LARP1B: variants seen among roughly 807,000 people sequenced by gnomAD.
The protein encoded by LARP1B is La ribonucleoprotein 1B, also known as la-related protein 1B.
A neutral mutation model predicts 114.2 loss-of-function variants in LARP1B; 76 were observed. The observed-to-expected ratio is 0.67, with a 90% CI of 0.55 to 0.81. The LOEUF is 0.81. Among genes scored for constraint, LARP1B ranks in the 30% least tolerant of loss-of-function variants. The pLI is 0.00. For missense variants in LARP1B, 1,014 were observed against 1,075.8 expected (o/e 0.94, Z 0.80); for synonymous variants, 345 against 348.0 (o/e 0.99, Z 0.10).
rs921417533 is a variant in LARP1B at position 128,211,359 on chromosome 4, G to C, written c.*1306G>C. The C allele has an allele frequency of 6.5e-5, 62 of 959,780 alleles. No homozygotes were observed. Among genetic ancestry groups the C allele is most frequent in the Non-Finnish European group, 7.2e-5 (58 of 806,872 alleles). 59.5% of individuals were successfully genotyped at this position (959,780 alleles called of 1,614,324 possible). ...TTGTATTTTCTTTTTGAGCAGATTG[G>C]ATATCTTGTTCTTATAAATTATAAT... On this transcript the variant is annotated 3_prime_UTR_variant, in exon 20 of 20. Coordinates refer to ENST00000326639, the MANE Select transcript of LARP1B (RefSeq NM_018078.4).
chr4:128,171,463 T>G (rs1243436865), intron 12 of LARP1B, among the ~76,000 whole-genome samples: 1 of 152,158 alleles, frequency 6.6e-6, no homozygotes, highest in Non-Finnish European at 1.5e-5. Flanking sequence ...TTGTCTTATA[T>G]ATCTTCATAT....
intron 3 of LARP1B, among the ~76,000 whole-genome samples, chr4:128,077,559 A>C (rs1768490823): frequency 7.8e-6 from 1 of 128,396 alleles, no homozygotes; most frequent in African/African-American, 2.9e-5. Flanking sequence ...CTGAGTTTTG[A>C]AAGTTCATAT....
intron 5 of LARP1B, among the ~76,000 whole-genome samples, chr4:128,087,391 A>G (rs1474809129): frequency 6.6e-6 from 1 of 152,220 alleles, no homozygotes; most frequent in Non-Finnish European, 1.5e-5. Context: ...TAATATTAGC[A>G]TTCAAAAATT....
intron 11 of LARP1B, chr4:128,123,374 G>C (rs1267941810): frequency 1.0e-6 from 1 of 976,968 alleles, no homozygotes; most frequent in Non-Finnish European, 1.2e-6. Context: ...GTAATACTTA[G>C]GTTCGGTAAG....
At chr4:128,066,989 C>T (rs1334249667) in intron 1 of LARP1B, among the ~76,000 whole-genome samples, 7 of 150,268 alleles carry the variant, frequency 4.7e-5, no homozygotes, top group Non-Finnish European at 1.5e-5. Context: ...TTAATTTTTA[C>T]TAGAGATGGG....
At chr4:128,166,115 A>G (rs979410070) in intron 12 of LARP1B, among the ~76,000 whole-genome samples, 9 of 152,062 alleles carry the variant, frequency 5.9e-5, no homozygotes, top group African/African-American at 1.9e-4. Context: ...GTTAAATATC[A>G]TATGTCCAAA....
At chr4:128,143,191 A>G (rs1428513988) in intron 11 of LARP1B, among the ~76,000 whole-genome samples, 7 of 152,124 alleles carry the variant, frequency 4.6e-5, no homozygotes, top group Non-Finnish European at 5.9e-5. Context: ...AGGCTGAGGC[A>G]GGAGAATCAC....
chr4:128,164,163 C>G lies in LARP1B; in HGVS notation c.1648+1846C>G, dbSNP rs1407054314. On this transcript the variant is annotated intron_variant, in intron 12 of 19. Coordinates refer to ENST00000326639, the MANE Select transcript of LARP1B (RefSeq NM_018078.4). ...GTAACATAATTATTTATTTGCTAAT[C>G]CTATGATATAATAGTTCCAGAATAA... Among the ~76,000 whole-genome samples, 6 of 151,828 alleles carry G rather than the reference C, an allele frequency of 4.0e-5. No homozygotes were observed. The East Asian group carries it at 1.2e-3, about 29-fold the overall frequency.
intron 1 of LARP1B, among the ~76,000 whole-genome samples, chr4:128,062,982 G>A (rs1477084726): frequency 1.3e-5 from 2 of 152,254 alleles, no homozygotes; most frequent in Admixed American, 6.5e-5. Context: ...GTTGACATGC[G>A]AGCGTGGATT....
Position 128,122,269 on chromosome 4 carries a change from G to A in LARP1B, c.1524+81G>A, listed in dbSNP as rs774018145. The A allele has an allele frequency of 4.5e-6, 7 of 1,549,666 alleles. No individual in the cohort carries two copies. In the African/African-American group the frequency reaches 6.9e-5, roughly 15 times the overall value. On this transcript the variant is annotated intron_variant, in intron 11 of 19. Coordinates refer to ENST00000326639, the MANE Select transcript of LARP1B (RefSeq NM_018078.4). ...CTGTTTATATTTTCTCAAACTTGAG[G>A]CTCTATTTTATGAAATGTTGAATAT...
intron 1 of LARP1B, among the ~76,000 whole-genome samples, chr4:128,065,837 A>T (rs1762574843): frequency 6.6e-6 from 1 of 152,024 alleles, no homozygotes; most frequent in Non-Finnish European, 1.5e-5. Flanking sequence ...GTTTATTTAA[A>T]TAGGTAGATA....
chr4:128,135,222 A>G (rs1792976832), intron 11 of LARP1B, among the ~76,000 whole-genome samples: 1 of 152,198 alleles, frequency 6.6e-6, no homozygotes, highest in Non-Finnish European at 1.5e-5. Flanking sequence ...TCAGAGGATT[A>G]TCACCTCACA....
chr4:128,177,248 G>A (rs1369423734), intron 13 of LARP1B, among the ~76,000 whole-genome samples: 1 of 152,154 alleles, frequency 6.6e-6, no homozygotes, highest in Non-Finnish European at 1.5e-5. Flanking sequence ...AATGGATTGG[G>A]AGAGGAAATG....
At position 128,107,332 on chromosome 4, in the gene LARP1B, G is replaced by A; in HGVS notation, c.988+19G>A. 1 of 1,613,192 alleles carries A rather than the reference G, an allele frequency of 6.2e-7. No individual in the cohort carries two copies. Among genetic ancestry groups the A allele is most frequent in the Non-Finnish European group, 8.5e-7 (1 of 1,179,490 alleles). ...CATACAGGTAACATCTTTTCTTCTAGAGCAAACGATGTAACAGTGGGTTAT... is the reference window on the plus strand; with the variant it reads ...CATACAGGTAACATCTTTTCTTCTAAAGCAAACGATGTAACAGTGGGTTAT... On this transcript the variant is annotated intron_variant, in intron 9 of 19. Transcript: ENST00000326639.
intron 11 of LARP1B, among the ~76,000 whole-genome samples, chr4:128,137,792 T>TATATA (rs1491094237): frequency 4.9e-3 from 233 of 47,302 alleles, no homozygotes; most frequent in Middle Eastern, 0.02. Flanking sequence ...TATATATATA[T>TATATA]TTTTTTTTTA....
chr4:128,071,267 C>T (rs370290767), intron 1 of LARP1B, among the ~76,000 whole-genome samples: 6 of 151,990 alleles, frequency 3.9e-5, no homozygotes, highest in East Asian at 3.9e-4. Context: ...AGGATGGTCT[C>T]GATCTCCTGA....
chr4:128,118,388 C>T (rs1165552670), intron 10 of LARP1B, among the ~76,000 whole-genome samples: 6 of 151,422 alleles, frequency 4.0e-5, no homozygotes, highest in South Asian at 2.1e-4. Flanking sequence ...CTTGCCACCA[C>T]GCCCAGCTAA....
chr4:128,155,755 A>G, intron 11 of LARP1B: 1 of 1,606,452 alleles, frequency 6.2e-7, no homozygotes, highest in African/African-American at 1.3e-5. Flanking sequence ...GGCCAAGTGT[A>G]GGAACTGGAG....
intron 15 of LARP1B, among the ~76,000 whole-genome samples, chr4:128,181,525 T>G (rs1480050872): frequency 1.3e-5 from 2 of 152,158 alleles, no homozygotes; most frequent in East Asian, 3.9e-4. Flanking sequence ...TGCTTTCTTT[T>G]GGATTGAGTT....
Sources: allele counts gnomAD v4.1 joint callset (sites outside exome capture counted in the v4.1 genomes callset), GRCh38; gene constraint gnomAD v4.1.1; transcripts MANE v1.5; gene names NCBI Gene and HGNC (gene_info 2026-07-23, HGNC 2026-07-21).